Variants in EPB41L5 observed in about 807,000 individuals in gnomAD.
EPB41L5 encodes erythrocyte membrane protein band 4.1 like 5.
In EPB41L5, 55 loss-of-function variants were observed where a neutral mutation model predicts 106.6. The observed-to-expected ratio is 0.52, with a 90% CI of 0.42 to 0.65. EPB41L5 has a LOEUF of 0.65. Among genes scored for constraint, EPB41L5 ranks in the 30% least tolerant of loss-of-function variants. The pLI is 0.00. For missense variants in EPB41L5, 871 were observed against 882.1 expected (o/e 0.99, Z 0.16); for synonymous variants, 297 against 306.7 (o/e 0.97, Z 0.33).
At chr2:120,086,237 T>C (rs530073382) in intron 10 of EPB41L5, among the ~76,000 whole-genome samples, 140 of 152,302 alleles carry the variant, frequency 9.2e-4, no homozygotes, top group African/African-American at 3.2e-3. Flanking sequence ...CATTATTGTT[T>C]TAGTAAAGCT....
At chr2:120,051,855 C>G (rs1378171623) in intron 3 of EPB41L5, among the ~76,000 whole-genome samples, 2 of 151,788 alleles carry the variant, frequency 1.3e-5, no homozygotes, top group African/African-American at 4.8e-5. Context: ...GAGACAGAGT[C>G]TTGCTCTGTC....
chr2:120,098,856 A>G (rs112653852), intron 14 of EPB41L5, among the ~76,000 whole-genome samples: 1 of 152,324 alleles, frequency 6.6e-6, no homozygotes, highest in African/African-American at 2.4e-5. Flanking sequence ...CTTGTTAGAA[A>G]GGCTTCTGGA....
intron 16 of EPB41L5, among the ~76,000 whole-genome samples, chr2:120,103,702 AT>A (rs1231569336): frequency 7.2e-5 from 11 of 151,914 alleles, no homozygotes; most frequent in South Asian, 2.1e-4. Flanking sequence ...GATTATGAAT[AT>A]TTTTTTCTTC....
intron 3 of EPB41L5, among the ~76,000 whole-genome samples, chr2:120,060,571 G>C (rs574964334): frequency 2.6e-5 from 4 of 152,310 alleles, no homozygotes; most frequent in African/African-American, 9.6e-5. Flanking sequence ...CACAATTATA[G>C]AGATTGAGAT....
Position 120,137,606 on chromosome 2 carries a change from A to G in EPB41L5, c.1600-5397A>G, listed in dbSNP as rs151331367. On this transcript the variant is annotated intron_variant, in intron 18 of 24. Transcript: ENST00000263713. ...GCCAATAAATTGGAAAACATTGAAG[A>G]AATGGATGAATTCCTAGACACATGC... is the stretch of plus-strand genomic sequence containing the variant. Among the ~76,000 whole-genome samples, 614 of 152,236 alleles carry G rather than the reference A, an allele frequency of 4.0e-3. 4 individuals carry two copies. The highest frequency in any genetic ancestry group is 0.014 in the Middle Eastern group (4 of 294).
Position 120,078,490 on chromosome 2 carries a change from T to C in EPB41L5, c.715-3T>C. On this transcript the variant is annotated splice_region_variant and splice_polypyrimidine_tract_variant and intron_variant, in intron 9 of 24. Coordinates refer to ENST00000263713, the MANE Select transcript of EPB41L5 (RefSeq NM_020909.4). ...CTAACACATTTTTCTCCCCTTAAAT[T>C]AGGCTAGAGATGGGAATGACTATAG... 10 of 1,589,366 alleles carry C rather than the reference T, an allele frequency of 6.3e-6. No homozygotes were observed. Among genetic ancestry groups the C allele is most frequent in the Non-Finnish European group, 8.6e-6 (10 of 1,169,178 alleles).
chr2:120,134,303 C>T (rs12476087), intron 18 of EPB41L5, among the ~76,000 whole-genome samples: 6 of 151,774 alleles, frequency 4.0e-5, no homozygotes, highest in African/African-American at 7.3e-5. Context: ...CCTACAGTTC[C>T]CAACTCCAGG....
rs1574747653 is a variant in EPB41L5, at chr2:120,142,928, T to C, written c.1600-75T>C. On this transcript the variant is annotated intron_variant, in intron 18 of 24. Transcript: ENST00000263713. ...TTCCTGATTGTCTGCAGATGAACTTTCATCAGTCTATTTCCTATTTCCATA... is the reference window on the plus strand; with the variant it reads ...TTCCTGATTGTCTGCAGATGAACTTCCATCAGTCTATTTCCTATTTCCATA... 1.5e-6 allele frequency: 2 copies of C among 1,334,476 alleles called. 1 individual carries two copies. Among genetic ancestry groups the C allele is most frequent in the South Asian group, 2.6e-5 (2 of 76,978 alleles). 82.7% of individuals were successfully genotyped at this position (1,334,476 alleles called of 1,614,324 possible).
intron 1 of EPB41L5, among the ~76,000 whole-genome samples, chr2:120,016,415 G>A (rs1375867922): frequency 1.3e-5 from 2 of 151,284 alleles, no homozygotes; most frequent in Non-Finnish European, 2.9e-5. Flanking sequence ...GGGGGACTAG[G>A]TTGAGACTGT....
chr2:120,088,039 A>G (rs1045570339), intron 11 of EPB41L5, among the ~76,000 whole-genome samples: 1 of 151,856 alleles, frequency 6.6e-6, no homozygotes, highest in African/African-American at 2.4e-5. Flanking sequence ...ATTTTAACAT[A>G]TGCATACAGA....
chr2:120,073,059 T>A (rs1681986091), intron 3 of EPB41L5, 119 bp from the exon 4 acceptor site: 2 of 825,632 alleles, frequency 2.4e-6, no homozygotes, highest in Admixed American at 3.1e-5. Flanking sequence ...GGTTTTTCTC[T>A]TGTGAAGTAT....
intron 12 of EPB41L5, among the ~76,000 whole-genome samples, chr2:120,091,142 A>G (rs898096487): frequency 2.0e-5 from 3 of 152,238 alleles, no homozygotes; most frequent in African/African-American, 7.2e-5. Flanking sequence ...ATCAAGGAGA[A>G]TAAGACAGTA....
At chr2:120,081,579 T>C (rs6717964) in intron 10 of EPB41L5, among the ~76,000 whole-genome samples, 103,381 of 152,004 alleles carry the variant, frequency 0.68, 36,967 homozygotes, top group Non-Finnish European at 0.79. Context: ...TTAGGATTGT[T>C]TTGGCTATAT....
At chr2:120,128,363 A>G (rs754402485) in intron 17 of EPB41L5, among the ~76,000 whole-genome samples, 1 of 152,106 alleles carries the variant, frequency 6.6e-6, no homozygotes, top group African/African-American at 2.4e-5. Flanking sequence ...TTAGTTTTAT[A>G]TGAAAGCATA....
At chr2:120,141,893 A>G (rs750126264) in intron 18 of EPB41L5, among the ~76,000 whole-genome samples, 4 of 152,054 alleles carry the variant, frequency 2.6e-5, no homozygotes, top group Non-Finnish European at 5.9e-5. Flanking sequence ...AACACAGGAA[A>G]GTGTTTCCTA....
In EPB41L5 at chr2:120,090,476, C is replaced by A; in HGVS notation, c.1003C>A (p.Arg335=). 1 of 1,613,592 alleles carries A rather than the reference C, an allele frequency of 6.2e-7. No homozygotes were observed. ...LRGPVQKSSH[R]SGFIRLGSRF... ...AGGCCCCGTCCAAAAGAGTTCTCAT[C>A]GATCAGGATTTATTCGACTAGGATC... is the stretch of plus-strand genomic sequence containing the variant. Residue 335 remains arginine, a synonymous_variant, in exon 12 of 25, where the codon CGA becomes AGA. Transcript: ENST00000263713.
intron 14 of EPB41L5, among the ~76,000 whole-genome samples, chr2:120,095,910 T>G (rs1443054177): frequency 6.6e-6 from 1 of 152,118 alleles, no homozygotes; most frequent in Non-Finnish European, 1.5e-5. Flanking sequence ...CCTCATGTGA[T>G]CCGCCTGTCT....
At chr2:120,018,911 G>A (rs1677729656) in intron 1 of EPB41L5, among the ~76,000 whole-genome samples, 166 bp from the exon 2 acceptor site, 2 of 152,112 alleles carry the variant, frequency 1.3e-5, no homozygotes. Flanking sequence ...CTCCCGAAGT[G>A]TTGAGATTGC....
At chr2:120,113,738 A>G (rs1488998859) in intron 16 of EPB41L5, among the ~76,000 whole-genome samples, 2 of 152,212 alleles carry the variant, frequency 1.3e-5, no homozygotes, top group Non-Finnish European at 2.9e-5. Flanking sequence ...CCCATTCTGG[A>G]AATTTCCTAA....
Sources: allele counts gnomAD v4.1 joint callset (sites outside exome capture counted in the v4.1 genomes callset), GRCh38; gene constraint gnomAD v4.1.1; transcripts MANE v1.5; gene names NCBI Gene and HGNC (gene_info 2026-07-23, HGNC 2026-07-21).